ZNF407: variants seen among roughly 807,000 people sequenced by gnomAD.
ZNF407 encodes the protein zinc finger protein 407.
In ZNF407, 17 loss-of-function variants were observed where a neutral mutation model predicts 131.2. The ratio of observed to expected loss-of-function variants is 0.13; its 90% CI spans 0.09 to 0.19. The LOEUF is 0.19. Ranked by LOEUF, ZNF407 falls within the 10% of genes least tolerant of loss-of-function variation. The pLI is 1.00. For missense variants in ZNF407, 2,681 were observed against 2,830.6 expected, an observed-to-expected ratio of 0.95 and a Z score of 1.20; for synonymous variants, 1,156 against 1,062.0, an observed-to-expected ratio of 1.09 and a Z score of -1.72.
rs543322552 is a variant in ZNF407 at position 74,678,951 on chromosome 18, A to G, written c.4802+37829A>G. ...CTTAAACAAGTGCTGTTGGTAAGCT[A>G]TATAGTAAAATGGGCCCACCGAGAG... On this transcript the variant is annotated intron_variant, in intron 3 of 8. Transcript: ENST00000299687. Among the ~76,000 whole-genome samples, 3 of 137,768 alleles carry G rather than the reference A, an allele frequency of 2.2e-5. No individual in the cohort carries two copies. In the South Asian group the frequency reaches 7.0e-4, roughly 32 times the overall value. 90.4% of individuals were successfully genotyped at this position (137,768 alleles called of 152,430 possible). A position where few individuals can be genotyped will look rare whatever the true frequency, so the allele number is the denominator to read the frequency against.
chr18:74,840,343 A>C (rs1484600167), intron 4 of ZNF407, among the ~76,000 whole-genome samples: 1 of 151,668 alleles, frequency 6.6e-6, no homozygotes, highest in Non-Finnish European at 1.5e-5. Context: ...GTGGGCCAAG[A>C]ACTCTCAAGT....
At chr18:74,902,297 C>G (rs1390157929) in intron 7 of ZNF407, among the ~76,000 whole-genome samples, 1 of 152,220 alleles carries the variant, frequency 6.6e-6, no homozygotes, top group East Asian at 1.9e-4. Flanking sequence ...TAATTACAAC[C>G]TGCGCACAGC....
At chr18:74,782,968 G>A (rs1034666869) in intron 4 of ZNF407, among the ~76,000 whole-genome samples, 1 of 152,140 alleles carries the variant, frequency 6.6e-6, no homozygotes, top group African/African-American at 2.4e-5. Flanking sequence ...TGCATTGAAT[G>A]TGTCAGGGAT....
intron 8 of ZNF407, among the ~76,000 whole-genome samples, chr18:74,930,627 AT>A (rs1384458010): frequency 2.0e-5 from 3 of 151,702 alleles, no homozygotes; most frequent in African/African-American, 7.3e-5. Context: ...TCTTCATTCT[AT>A]TTCTTTTTAT....
chr18:75,053,924 G>A (rs1973531269), intron 8 of ZNF407, among the ~76,000 whole-genome samples: 4 of 152,148 alleles, frequency 2.6e-5, no homozygotes, highest in South Asian at 2.1e-4. Context: ...TGCTTCCCCC[G>A]CACCTGGCAG....
At chr18:74,721,530 T>C (rs1157519116) in intron 3 of ZNF407, among the ~76,000 whole-genome samples, 1 of 152,214 alleles carries the variant, frequency 6.6e-6, no homozygotes, top group East Asian at 1.9e-4. Context: ...AATGTATAAG[T>C]GAATTCAGTA....
intron 4 of ZNF407, among the ~76,000 whole-genome samples, chr18:74,785,119 G>A (rs1440600864): frequency 2.6e-5 from 4 of 152,202 alleles, no homozygotes; most frequent in Non-Finnish European, 5.9e-5. Flanking sequence ...AAGTATAAGC[G>A]TTAAATAATT....
At chr18:74,648,141 A>G (rs1985059722) in intron 3 of ZNF407, among the ~76,000 whole-genome samples, 1 of 152,174 alleles carries the variant, frequency 6.6e-6, no homozygotes, top group South Asian at 2.1e-4. Context: ...TCAGATGGAG[A>G]AAGCTTAGGT....
intron 8 of ZNF407, among the ~76,000 whole-genome samples, chr18:74,994,283 G>A (rs1432869709): frequency 1.3e-5 from 2 of 152,176 alleles, no homozygotes; most frequent in Non-Finnish European, 2.9e-5. Context: ...GATAAATGCT[G>A]TAAAACATTT....
intron 3 of ZNF407, among the ~76,000 whole-genome samples, chr18:74,679,710 T>C (rs759666301): frequency 4.6e-5 from 7 of 152,222 alleles, no homozygotes; most frequent in Non-Finnish European, 1.0e-4. Flanking sequence ...CATCTCCCCA[T>C]CATATATCTT....
At chr18:74,999,279 C>T (rs1316181260) in intron 8 of ZNF407, among the ~76,000 whole-genome samples, 1 of 97,878 alleles carries the variant, frequency 1.0e-5, no homozygotes, top group African/African-American at 4.1e-5. Flanking sequence ...AGCGCACCAG[C>T]ATGGCACATG....
At chr18:74,903,563 A>C (rs1971557585) in intron 7 of ZNF407, among the ~76,000 whole-genome samples, 1 of 152,012 alleles carries the variant, frequency 6.6e-6, no homozygotes, top group Non-Finnish European at 1.5e-5. Flanking sequence ...TTTCCTCAGA[A>C]GTTTTTCATC....
intron 3 of ZNF407, among the ~76,000 whole-genome samples, chr18:74,666,772 A>G (rs768671440): frequency 4.5e-4 from 68 of 152,146 alleles, no homozygotes; most frequent in Non-Finnish European, 7.9e-4. Context: ...CAGGTGTGAA[A>G]TGCGGTTTCT....
intron 3 of ZNF407, among the ~76,000 whole-genome samples, chr18:74,736,084 A>T (rs1453445615): frequency 6.6e-6 from 1 of 152,244 alleles, no homozygotes; most frequent in Non-Finnish European, 1.5e-5. Context: ...GACGAGACCT[A>T]GTGTTTTATG....
chr18:74,733,154 A>G (rs925229493), intron 3 of ZNF407, among the ~76,000 whole-genome samples: 2 of 152,122 alleles, frequency 1.3e-5, no homozygotes, highest in Non-Finnish European at 2.9e-5. Flanking sequence ...AAGATAATTT[A>G]AAGTTAGCTA....
At chr18:74,717,550 A>G (rs1460021862) in intron 3 of ZNF407, among the ~76,000 whole-genome samples, 2 of 152,242 alleles carry the variant, frequency 1.3e-5, no homozygotes, top group African/African-American at 2.4e-5. Flanking sequence ...TTCGATAGCC[A>G]TAGGTAAACA....
At chr18:74,664,042 G>A (rs1365502744) in intron 3 of ZNF407, among the ~76,000 whole-genome samples, 1 of 152,214 alleles carries the variant, frequency 6.6e-6, no homozygotes, top group African/African-American at 2.4e-5. Context: ...AAGTGCAGGA[G>A]GACAAGTTGG....
At chr18:74,940,959 T>G (rs1181182078) in intron 8 of ZNF407, among the ~76,000 whole-genome samples, 1 of 152,172 alleles carries the variant, frequency 6.6e-6, no homozygotes, top group Non-Finnish European at 1.5e-5. Context: ...GCACATAAAA[T>G]GAACTTTCTT....
At chr18:74,776,279 C>T (rs1969469816) in intron 3 of ZNF407, among the ~76,000 whole-genome samples, 2 of 152,160 alleles carry the variant, frequency 1.3e-5, no homozygotes, top group Non-Finnish European at 2.9e-5. Flanking sequence ...TGATCTTGGA[C>T]CTTCCAGCCT....
Sources: gnomAD v4.1 joint callset for allele counts (sites outside exome capture counted in the v4.1 genomes callset) on GRCh38, gnomAD v4.1.1 for gene constraint, MANE v1.5 for transcripts, NCBI Gene and HGNC (gene_info 2026-07-23, HGNC 2026-07-21) for gene names.